The following TRPM5 variants were observed in gnomAD, a reference collection of about 807,000 sequenced individuals.
TRPM5 encodes the protein MLSN1 and TRP-related.
TRPM5 carries 121 observed loss-of-function variants against 124.9 expected under a neutral mutation model. The observed-to-expected ratio is 0.97, with a 90% CI of 0.84 to 1.13. TRPM5 has a LOEUF of 1.13. TRPM5 is among the 50% of genes most tolerant of loss of function. The pLI, the probability that TRPM5 is intolerant of heterozygous loss-of-function variation, is 0.00. For missense variants in TRPM5, 1,643 were observed against 1,589.1 expected (o/e 1.03, Z -0.58); for synonymous variants, 781 against 700.5 (o/e 1.11, Z -1.81).
At chr11:2,414,193 C>G (rs1241448650) in exon 12 of TRPM5, 3 of 1,609,456 alleles carry the variant, frequency 1.9e-6, no homozygotes, top group Non-Finnish European at 2.5e-6. Flanking sequence ...TGCTGTAGCA[C>G]TCGGAGAAGA....
At chr11:2,421,183 G>A (rs1240601836) in exon 3 of TRPM5, 1 of 1,540,180 alleles carries the variant, frequency 6.5e-7, no homozygotes, top group South Asian at 1.2e-5. Context: ...GAGGGCACTG[G>A]TCAGGATCCA....
At chr11:2,421,289 C>A in intron 2 of TRPM5, 91 bp from the exon 8 acceptor site, 1 of 1,418,480 alleles carries the variant, frequency 7.0e-7, no homozygotes. Context: ...CAATCAGCAG[C>A]CAGTTACCTG....
intron 18 of TRPM5, 104 bp downstream of exon 23, chr11:2,411,248 C>T (rs1221872241): frequency 1.5e-6 from 2 of 1,346,336 alleles, no homozygotes; most frequent in African/African-American, 2.9e-5. Flanking sequence ...AGGCTGGGGT[C>T]TCCATGGCCC....
At chr11:2,420,334 G>T (rs1472552635) in exon 4 of TRPM5, 1 of 1,612,690 alleles carries the variant, frequency 6.2e-7, no homozygotes, top group Non-Finnish European at 8.5e-7. Context: ...AGTGGGAGAG[G>T]TTGCTGTCCA....
At chr11:2,430,388 A>G in the TRPM5 span, among the ~76,000 whole-genome samples, 3 of 152,108 alleles carry the variant, frequency 2.0e-5, no homozygotes, top group African/African-American at 7.2e-5. Flanking sequence ...CTGTGAGTCA[A>G]CTCAACCTCT....
chr11:2,440,510 C>G, the TRPM5 span, among the ~76,000 whole-genome samples: 3 of 152,254 alleles, frequency 2.0e-5, no homozygotes, highest in South Asian at 4.2e-4. This position sits in a 1 kb window ranked among gnomAD's most constrained non-coding sequence, Gnocchi z 5.2. Context: ...TTGGGTGCCT[C>G]CTGCATGCAG....
upstream of TRPM5, among the ~76,000 whole-genome samples, chr11:2,424,051 A>T (rs1845812527): frequency 6.6e-6 from 1 of 152,186 alleles, no homozygotes; most frequent in Admixed American, 6.5e-5. Flanking sequence ...CGCTGGGCAG[A>T]GGTCTCCGTG....
At chr11:2,404,526 G>A (rs1214223744) in exon 24 of TRPM5, 1 of 170,442 alleles carries the variant, frequency 5.9e-6, no homozygotes, top group Admixed American at 6.3e-5. Flanking sequence ...TTCAAAAAAA[G>A]ATGAGTCTCT....
chr11:2,406,199 C>T (rs2133497379), intron 21 of TRPM5, 108 bp from the exon 27 acceptor site: 2 of 1,230,784 alleles, frequency 1.6e-6, no homozygotes, highest in East Asian at 2.4e-5. Context: ...TTGGGGTGCC[C>T]TGGCCCTTTC....
Position 2,422,012 on chromosome 11 carries a change from GGGGGGACAGTCA to G in TRPM5, c.298+117_298+128del, listed in dbSNP as rs1047655952. 13 of 890,938 alleles carry G rather than the reference GGGGGGACAGTCA, an allele frequency of 1.5e-5. No homozygotes were observed. In the African/African-American group the frequency reaches 2.2e-4, roughly 15 times the overall value. The allele number at this position is 890,938 out of a possible 1,614,324, so 55.2% of individuals were successfully genotyped here. On this transcript the variant is annotated intron_variant, in intron 2 of 23. Transcript: ENST00000155858. The stretch of plus-strand genomic sequence containing the variant: ...GGTGGGAGCATTGCCTGTGCCGGGT[GGGGGGACAGTCA>G]GGGGGTCTGGCTGCCCTGTGGGGTG...
upstream of TRPM5, among the ~76,000 whole-genome samples, chr11:2,424,048 C>T (rs1845812483): frequency 6.6e-6 from 1 of 152,218 alleles, no homozygotes; most frequent in Non-Finnish European, 1.5e-5. Flanking sequence ...GGCCGCTGGG[C>T]AGAGGTCTCC....
chr11:2,434,322 G>T, the TRPM5 span, among the ~76,000 whole-genome samples: 1 of 151,368 alleles, frequency 6.6e-6, no homozygotes, highest in Non-Finnish European at 1.5e-5. Flanking sequence ...TGTGGACACT[G>T]TGTGTGCAAA....
chr11:2,412,350 C>CAGCGTGCCATGGGGAT, intron 15 of TRPM5, 97 bp from the exon 21 acceptor site: 60 of 935,850 alleles, frequency 6.4e-5, no homozygotes, highest in Middle Eastern at 3.0e-4. Flanking sequence ...GATCAGGGTT[C>CAGCGTGCCATGGGGAT]CATCTATGAC....
chr11:2,422,224 A>G, exon 2 of TRPM5: 1 of 1,612,432 alleles, frequency 6.2e-7, no homozygotes, highest in Non-Finnish European at 8.5e-7. Context: ...CTCCTCACCC[A>G]CCAGGGACAC....
Position 2,418,306 on chromosome 11 carries a change from G to A in TRPM5, c.767C>T (p.Ser256Leu), listed in dbSNP as rs762579437. 43 of 1,572,234 alleles carry A rather than the reference G, an allele frequency of 2.7e-5. 1 individual carries two copies. The South Asian group carries it at 4.7e-4, about 17-fold the overall frequency. The change falls in exon 6 of 24, where the codon TCG (serine) becomes TTG (leucine). Residue 256 changes from serine to leucine, a missense_variant. Coordinates refer to ENST00000155858, the Ensembl canonical transcript of TRPM5. ...AGCAAGCACATCGGCGATGCCCCCC[G>A]AGCCTACCAGGATCAGCCACGGGGC... is the stretch of plus-strand genomic sequence containing the variant.
At chr11:2,411,262 C>A in intron 18 of TRPM5, 90 bp downstream of exon 23, 2 of 1,413,876 alleles carry the variant, frequency 1.4e-6, no homozygotes, top group South Asian at 1.5e-5. Context: ...ATGGCCCCAA[C>A]AGACCTCTCT....
chr11:2,418,300 C>A (rs776583015), exon 6 of TRPM5: 3 of 1,572,670 alleles, frequency 1.9e-6, no homozygotes, highest in Admixed American at 1.9e-5. Context: ...ATCGGCGATG[C>A]CCCCCGAGCC....
the TRPM5 span, among the ~76,000 whole-genome samples, chr11:2,430,735 T>C: frequency 9.2e-5 from 12 of 130,226 alleles, no homozygotes; most frequent in South Asian, 2.8e-3. Flanking sequence ...GTGGCGGTGA[T>C]GGTGATGGTG....
At chr11:2,410,269 C>T (rs1378726053) in intron 18 of TRPM5, among the ~76,000 whole-genome samples, 6 of 152,218 alleles carry the variant, frequency 3.9e-5, no homozygotes, top group Non-Finnish European at 7.3e-5. Context: ...CGCCTGTCCC[C>T]GGAGGCCTGT....
Sources: gnomAD v4.1 joint callset for allele counts (sites outside exome capture counted in the v4.1 genomes callset) on GRCh38, gnomAD v4.1.1 for gene constraint, Gnocchi (gnomAD v3.1) non-coding constraint, MANE v1.5 for transcripts, NCBI Gene and HGNC (gene_info 2026-07-23, HGNC 2026-07-21) for gene names.